SPRED2: variants seen among roughly 807,000 people sequenced by gnomAD.
SPRED2 encodes sprouty related EVH1 domain containing 2.
A neutral mutation model predicts 43.0 loss-of-function variants in SPRED2; 47 were observed. That is an observed-to-expected ratio of 1.09 (90% confidence interval 0.87 to 1.40). The LOEUF is 1.40. Among genes scored for constraint, SPRED2 ranks in the 40% most tolerant of loss-of-function variants. The probability of loss-of-function intolerance (pLI) is 0.00; values close to 1 mark genes in which losing one functional copy is unlikely to be tolerated. For synonymous variants in SPRED2, 225 were observed against 225.7 expected (o/e 1.00, Z 0.03); for missense variants, 561 against 586.4 (o/e 0.96, Z 0.45).
chr2:65,322,294 A>ATATATTT (rs1350932295), intron 4 of SPRED2, among the ~76,000 whole-genome samples: 1 of 64,930 alleles, frequency 1.5e-5, no homozygotes, highest in Non-Finnish European at 2.5e-5. Context: ...ATATATATAT[A>ATATATTT]TTTTTTTTTT....
In SPRED2 at chr2:65,387,792, CTTTTCT is replaced by C. The variant is rs1187679033; in HGVS notation, c.27-42902_27-42897del. Among the ~76,000 whole-genome samples, 28 of 148,306 alleles carry C rather than the reference CTTTTCT, an allele frequency of 1.9e-4. No homozygotes were observed. The Admixed American group carries it at 1.9e-3, about 10-fold the overall frequency. ...ACTGAAAACCTAGGGAAAGCAAATT[CTTTTCT>C]TTTTCTTTTTTTTTTTGAGAGTTTG... On this transcript the variant is annotated intron_variant, in intron 1 of 5. Coordinates refer to ENST00000356388, the MANE Select transcript of SPRED2 (RefSeq NM_181784.3).
chr2:65,432,225 C>G lies in SPRED2; in HGVS notation c.-238G>C. The G allele has an allele frequency of 2.0e-6, 1 of 495,758 alleles. No individual in the cohort carries two copies. Among genetic ancestry groups the G allele is most frequent in the Non-Finnish European group, 3.6e-6 (1 of 276,692 alleles). 30.7% of individuals were successfully genotyped at this position (495,758 alleles called of 1,614,324 possible). A position where few individuals can be genotyped will look rare whatever the true frequency, so the allele number is the denominator to read the frequency against. Reference sequence around the variant, plus strand: ...AACGCCGCAGCGCCGTGGGGAGAGGCGGGCGGAGGCTCCGGGGGCTCGGGA... The same window carrying G: ...AACGCCGCAGCGCCGTGGGGAGAGGGGGGCGGAGGCTCCGGGGGCTCGGGA... On this transcript the variant is annotated 5_prime_UTR_variant, in exon 1 of 6. Coordinates refer to ENST00000356388, the MANE Select transcript of SPRED2 (RefSeq NM_181784.3).
In SPRED2 at chr2:65,401,937, G is replaced by GCGCGCGCGCACA. The variant is rs776512353; in HGVS notation, c.26+30024_26+30025insTGTGCGCGCGCG. Among the ~76,000 whole-genome samples, 421 of 114,746 alleles carry GCGCGCGCGCACA rather than the reference G, an allele frequency of 3.7e-3. 1 individual carries two copies. Among genetic ancestry groups the GCGCGCGCGCACA allele is most frequent in the South Asian group, 8.4e-3 (32 of 3,818 alleles). The allele number at this position is 114,746 out of a possible 152,430, so 75.3% of individuals were successfully genotyped here. A position where few individuals can be genotyped will look rare whatever the true frequency, so the allele number is the denominator to read the frequency against. ...ACGATCAGAATATTAGCGCGCGCGC[G>GCGCGCGCGCACA]CACACACACACACACACACACACAC... On this transcript the variant is annotated intron_variant, in intron 1 of 5. Transcript: ENST00000356388.
chr2:65,309,702 T>A (rs1210471381), downstream of SPRED2, among the ~76,000 whole-genome samples: 2 of 152,130 alleles, frequency 1.3e-5, no homozygotes, highest in Non-Finnish European at 2.9e-5. Context: ...TGGAAAAGAA[T>A]CCTGCATTCC....
At chr2:65,420,139 G>A (rs1676386885) in intron 1 of SPRED2, among the ~76,000 whole-genome samples, 1 of 151,046 alleles carries the variant, frequency 6.6e-6, no homozygotes, top group African/African-American at 2.5e-5. Context: ...GAACCCAGGA[G>A]GCGGCAGTTG....
chr2:65,332,317 C>A, intron 3 of SPRED2: 1 of 312,230 alleles, frequency 3.2e-6, no homozygotes, highest in East Asian at 7.9e-5. Flanking sequence ...AATAAGCACA[C>A]AGAAAGGCAC....
At chr2:65,427,422 T>A (rs1676582303) in intron 1 of SPRED2, among the ~76,000 whole-genome samples, 1 of 152,162 alleles carries the variant, frequency 6.6e-6, no homozygotes, top group African/African-American at 2.4e-5. Context: ...AGGGTTCTAC[T>A]CATGTATAGT....
intron 1 of SPRED2, among the ~76,000 whole-genome samples, chr2:65,345,244 T>C (rs1674315714): frequency 6.7e-6 from 1 of 148,350 alleles, no homozygotes; most frequent in African/African-American, 2.5e-5. Flanking sequence ...ACACCTATTT[T>C]GGTTTTTAGT....
At chr2:65,400,013 AC>A (rs34939097) in intron 1 of SPRED2, among the ~76,000 whole-genome samples, 16,705 of 152,230 alleles carry the variant, frequency 0.11, 1,371 homozygotes, top group Non-Finnish European at 0.16. Flanking sequence ...CCAACAAAGT[AC>A]CTGAGCTAGT....
In SPRED2 at chr2:65,312,797, G is replaced by C; in HGVS notation, c.*704C>G. 5.1e-6 allele frequency: 5 copies of C among 985,824 alleles called. No individual in the cohort carries two copies. The highest frequency in any genetic ancestry group is 6.0e-6 in the Non-Finnish European group (5 of 829,924). The allele number at this position is 985,824 out of a possible 1,614,324, so 61.1% of individuals were successfully genotyped here. Reference sequence around the variant, plus strand: ...TAAGGCTCAATTCTCAGTCTATTACGGGTGAATGTTTTGCATCAGTGAATC... The same window carrying C: ...TAAGGCTCAATTCTCAGTCTATTACCGGTGAATGTTTTGCATCAGTGAATC... On this transcript the variant is annotated 3_prime_UTR_variant, in exon 6 of 6. Transcript: ENST00000356388.
chr2:65,334,760 C>T lies in SPRED2; in HGVS notation c.218G>A (p.Cys73Tyr). ...RQKDKLVVLE[C>Y]YVRKDLVYTK... The stretch of plus-strand genomic sequence containing the variant: ...GTAGACCAAGTCCTTTCTTACATAG[C>T]ATTCCAATACCACCTGAAGGATGGA... The change falls in exon 3 of 6, where the codon TGC (cysteine) becomes TAC (tyrosine). Residue 73 changes from cysteine (C) to tyrosine (Y), a missense_variant. Cys to Tyr is a radical substitution (Grantham distance 194). Coordinates refer to ENST00000356388, the MANE Select transcript of SPRED2 (RefSeq NM_181784.3). 6.2e-7 allele frequency: 1 copy of T among 1,614,172 alleles called. No individual in the cohort carries two copies. Among genetic ancestry groups the T allele is most frequent in the Non-Finnish European group, 8.5e-7 (1 of 1,180,010 alleles).
Position 65,316,727 on chromosome 2 carries a change from T to C in SPRED2, c.588+7A>G, listed in dbSNP as rs767569318. The C allele has an allele frequency of 3.1e-6, 5 of 1,606,534 alleles. No homozygotes were observed. Among genetic ancestry groups the C allele is most frequent in the Non-Finnish European group, 4.2e-6 (5 of 1,177,036 alleles). ...GATGCCCTCAGAGGAACAGGGCTGC[T>C]GCTCACCTGATCGAGGTGATAGTGG... On this transcript the variant is annotated splice_region_variant and intron_variant, in intron 5 of 5. Coordinates refer to ENST00000356388, the MANE Select transcript of SPRED2 (RefSeq NM_181784.3).
chr2:65,334,286 C>T (rs1321116005), intron 3 of SPRED2: 6 of 486,678 alleles, frequency 1.2e-5, no homozygotes, highest in East Asian at 6.5e-5. Context: ...ACAGACCAGA[C>T]CAAAGCCATT....
At position 65,379,326 on chromosome 2, in the gene SPRED2, A is replaced by T. The variant is rs182402481; in HGVS notation, c.27-34430T>A. 1.1e-3 allele frequency among the ~76,000 whole-genome samples: 167 copies of T among 152,216 alleles called. 2 individuals are homozygous for T. Among genetic ancestry groups the T allele is most frequent in the Admixed American group, 7.1e-3 (108 of 15,270 alleles). On this transcript the variant is annotated intron_variant, in intron 1 of 5. Transcript: ENST00000356388. ...CTGTTTTAAGAGGCTGAGGGGTCTT[A>T]AGCAGTGAAATTTGTCATAGCTGCT...
intron 1 of SPRED2, among the ~76,000 whole-genome samples, chr2:65,347,834 A>T (rs2104277817): frequency 6.6e-6 from 1 of 152,060 alleles, no homozygotes; most frequent in East Asian, 1.9e-4. Flanking sequence ...TCATCCTTCT[A>T]GTTCTCTCTT....
At chr2:65,407,969 T>C (rs1398936546) in intron 1 of SPRED2, among the ~76,000 whole-genome samples, 1 of 152,282 alleles carries the variant, frequency 6.6e-6, no homozygotes, top group Non-Finnish European at 1.5e-5. Flanking sequence ...AAAACGATTA[T>C]GACATGGTCC....
At chr2:65,386,988 T>C (rs2103669466) in intron 1 of SPRED2, among the ~76,000 whole-genome samples, 1 of 152,224 alleles carries the variant, frequency 6.6e-6, no homozygotes, top group South Asian at 2.1e-4. Context: ...AGCTTTTTTT[T>C]TTTTTTTAAG....
Position 65,432,165 on chromosome 2 carries a change from G to T in SPRED2, c.-178C>A. On this transcript the variant is annotated 5_prime_UTR_variant, in exon 1 of 6. Transcript: ENST00000356388. ...AAGCAGGGCGCGGGATAGGGTTTGGGGGAAGGGGTGCAAAGGCAGGCTGCG... is the reference window on the plus strand; with the variant it reads ...AAGCAGGGCGCGGGATAGGGTTTGGTGGAAGGGGTGCAAAGGCAGGCTGCG... 1 of 742,152 alleles carries T rather than the reference G, an allele frequency of 1.3e-6. No individual in the cohort carries two copies. Among genetic ancestry groups the T allele is most frequent in the East Asian group, 2.7e-5 (1 of 36,462 alleles). 46.0% of individuals were successfully genotyped at this position (742,152 alleles called of 1,614,324 possible).
chr2:65,317,760 T>G (rs1673287779), intron 4 of SPRED2, among the ~76,000 whole-genome samples: 2 of 151,900 alleles, frequency 1.3e-5, no homozygotes, highest in African/African-American at 4.8e-5. Context: ...CAAGAATAAA[T>G]TTTGTATCTT....
Sources: allele counts gnomAD v4.1 joint callset (sites outside exome capture counted in the v4.1 genomes callset), GRCh38; gene constraint gnomAD v4.1.1; transcripts MANE v1.5; gene names NCBI Gene and HGNC (gene_info 2026-07-23, HGNC 2026-07-21).